The following RNF213 variants were observed in gnomAD, a reference collection of about 807,000 sequenced individuals.
The protein encoded by RNF213 is ring finger protein 213, also known as E3 ubiquitin-protein ligase RNF213.
A neutral mutation model predicts 514.4 loss-of-function variants in RNF213; 341 were observed. The observed-to-expected ratio is 0.66, with a 90% CI of 0.61 to 0.73. RNF213 has a LOEUF of 0.73. Ranked by LOEUF, RNF213 falls within the 30% of genes least tolerant of loss-of-function variation. The pLI is 0.00. For missense variants in RNF213, 5,767 were observed against 6,615.6 expected (o/e 0.87, Z 4.45); for synonymous variants, 2,655 against 2,658.2 (o/e 1.00, Z 0.04).
intron 3 of RNF213, chr17:80,279,013 G>T: frequency 6.9e-7 from 1 of 1,459,136 alleles, no homozygotes; most frequent in African/African-American, 1.4e-5. Flanking sequence ...GTCCCTGCCA[G>T]TCGAGGAAGG....
In RNF213 at chr17:80,377,502, C is replaced by T. The variant is rs1194959284; in HGVS notation, c.13511-260C>T. ...CCTGTCCACCTTGCCTCCAAAAGTA[C>T]CCCTGGTATGGGCCTATATTCTAAT... On this transcript the variant is annotated intron_variant, in intron 53 of 67. Coordinates refer to ENST00000582970, the MANE Select transcript of RNF213 (RefSeq NM_001256071.3). This position sits in a 1 kb window ranked among gnomAD's most constrained non-coding sequence, Gnocchi z 4.1. Among the ~76,000 whole-genome samples, 1 of 151,296 alleles carries T rather than the reference C, an allele frequency of 6.6e-6. No individual in the cohort carries two copies. The highest frequency in any genetic ancestry group is 2.4e-5 in the African/African-American group (1 of 41,154).
In RNF213 at chr17:80,327,972, T is replaced by C. The variant is rs1230095744; in HGVS notation, c.3350T>C (p.Leu1117Pro). ...ELIIKHKNQFLDIWQLREKSL... is the reference protein window; with the variant it reads ...ELIIKHKNQFPDIWQLREKSL... ...ATTATAAAGCACAAGAATCAGTTTC[T>C]TGACATCTGGCAACTGAGTAAGCAT... is the stretch of plus-strand genomic sequence containing the variant. The change falls in exon 19 of 68, where the codon CTT becomes CCT. Residue 1117 changes from leucine to proline, a missense_variant. Transcript: ENST00000582970. 1 of 1,537,280 alleles carries C rather than the reference T, an allele frequency of 6.5e-7. No individual in the cohort carries two copies. Among genetic ancestry groups the C allele is most frequent in the Admixed American group, 2.0e-5 (1 of 51,000 alleles).
chr17:80,318,314 C>T (rs899350307), intron 16 of RNF213, among the ~76,000 whole-genome samples: 2 of 152,190 alleles, frequency 1.3e-5, no homozygotes, highest in Admixed American at 6.5e-5. Flanking sequence ...CCATGGGTTT[C>T]AGGCTTTTCG....
chr17:80,354,672 T>C, intron 36 of RNF213, 96 bp downstream of exon 36: 2 of 1,466,536 alleles, frequency 1.4e-6, no homozygotes, highest in Non-Finnish European at 1.9e-6. Flanking sequence ...CCATGGGGAC[T>C]GAGCTGTTTC....
Position 80,347,665 on chromosome 17 carries a change from G to T in RNF213, c.9330G>T (p.Glu3110Asp). 1 of 1,614,096 alleles carries T rather than the reference G, an allele frequency of 6.2e-7. No individual in the cohort carries two copies. Among genetic ancestry groups the T allele is most frequent in the Non-Finnish European group, 8.5e-7 (1 of 1,180,004 alleles). ...VLLLNLQNLY[E>D]SLYDALNQYY... is the part of the protein sequence containing the mutation. Reference sequence around the variant, plus strand: ...TTCTCAACCTGCAGAACCTCTACGAGAGCCTCTACGACGCACTCAACCAGT... The same window carrying T: ...TTCTCAACCTGCAGAACCTCTACGATAGCCTCTACGACGCACTCAACCAGT... The change falls in exon 29 of 68, where the codon GAG (glutamate) becomes GAT (aspartate). Residue 3110 changes from glutamate (E) to aspartate (D), a missense_variant. By Grantham distance (45) the Glu-to-Asp change is conservative. This residue lies in a region of RNF213 where 919 missense variants were observed against 1,121.0 expected (regional missense o/e 0.82). Transcript: ENST00000582970. The surrounding 1 kb of genome is among the most constrained non-coding windows in gnomAD (Gnocchi z 7.2).
intron 26 of RNF213, chr17:80,340,609 GTTTTTTTTTTTTT>G (rs747785477): frequency 1.1e-4 from 14 of 130,154 alleles, no homozygotes; most frequent in East Asian, 1.1e-3. Flanking sequence ...GTACTTTGTG[GTTTTTTTTTTTTT>G]TTTTTTTTTT....
chr17:80,339,128 T>C (rs1177407375), intron 25 of RNF213, 73 bp from the exon 26 acceptor site: 1 of 1,286,962 alleles, frequency 7.8e-7, no homozygotes, highest in Admixed American at 2.8e-5. Context: ...GGTAGGCCTG[T>C]GTGCTGTTGC....
At chr17:80,367,901 T>G in intron 43 of RNF213, 53 bp downstream of exon 43, 1 of 1,613,826 alleles carries the variant, frequency 6.2e-7, no homozygotes, top group Non-Finnish European at 8.5e-7. Context: ...CCTCTCGTGG[T>G]TTTCACTTCT....
intron 3 of RNF213, chr17:80,279,000 T>G: frequency 6.7e-7 from 1 of 1,497,142 alleles, no homozygotes; most frequent in Non-Finnish European, 8.9e-7. Flanking sequence ...TTCCGGCCCT[T>G]GAGTCCCTGC....
rs2078300619 is a variant in RNF213, at chr17:80,346,074, G to C, written c.7739G>C (p.Trp2580Ser). ...ALPPSLIPLV[W>S]DFGQLSDVAE... is the part of the protein sequence containing the mutation. ...CCCCCGAGCCTGATTCCTCTGGTGT[G>C]GGACTTTGGACAACTGAGTGACGTT... The change falls in exon 29 of 68, where the codon TGG (tryptophan) becomes TCG (serine). Residue 2580 changes from tryptophan to serine, a missense_variant. This residue lies in a region of RNF213 where 1,377 missense variants were observed against 1,635.2 expected (regional missense o/e 0.84). Coordinates refer to ENST00000582970, the MANE Select transcript of RNF213 (RefSeq NM_001256071.3). The surrounding 1 kb of genome is among the most constrained non-coding windows in gnomAD (Gnocchi z 8.1). 2 of 1,614,170 alleles carry C rather than the reference G, an allele frequency of 1.2e-6. No individual in the cohort carries two copies. The highest frequency in any genetic ancestry group is 2.7e-5 in the African/African-American group (2 of 75,040).
rs760732823 is a variant in RNF213 at position 80,386,297 on chromosome 17, G to C, written c.14587G>C (p.Asp4863His). The change falls in exon 62 of 68, where the codon GAC (aspartate) becomes CAC (histidine). Residue 4863 changes from aspartate (D) to histidine (H), a missense_variant. Asp to His is a moderately conservative substitution (Grantham distance 81, BLOSUM62 -1). This residue lies in a region of RNF213 where 1,245 missense variants were observed against 1,339.0 expected (regional missense o/e 0.93). Coordinates refer to ENST00000582970, the MANE Select transcript of RNF213 (RefSeq NM_001256071.3). Reference sequence around the variant, plus strand: ...CTACTGCAGCACTGACTTGGATCTGGACACTGAGTTTGAGATCCTCTTGCC... The same window carrying C: ...CTACTGCAGCACTGACTTGGATCTGCACACTGAGTTTGAGATCCTCTTGCC... ...KDYCSTDLDLDTEFEILLPRR... is the reference protein window; with the variant it reads ...KDYCSTDLDLHTEFEILLPRR... 4.3e-6 allele frequency: 7 copies of C among 1,613,126 alleles called. No individual in the cohort carries two copies. In the East Asian group the frequency reaches 8.9e-5, roughly 21 times the overall value.
intron 49 of RNF213, among the ~76,000 whole-genome samples, 164 bp from the exon 50 acceptor site, chr17:80,374,294 C>T (rs528446553): frequency 1.3e-5 from 2 of 152,312 alleles, no homozygotes; most frequent in African/African-American, 2.4e-5. Context: ...AAGCTCCCTG[C>T]GAAGAGGGCA....
In RNF213 at chr17:80,374,482, C is replaced by CA; in HGVS notation, c.12968dup (p.Met4324AspfsTer3). 2 of 1,614,208 alleles carry CA rather than the reference C, an allele frequency of 1.2e-6. No individual in the cohort carries two copies. The highest frequency in any genetic ancestry group is 1.7e-6 in the Non-Finnish European group (2 of 1,180,040). ...GGGGCTGCGGCAGGACCACCCAGGC[C>CA]AGATGGATAGGTACCTGGTGTACGG... On this transcript the variant is annotated frameshift_variant, in exon 50 of 68. Coordinates refer to ENST00000582970, the MANE Select transcript of RNF213 (RefSeq NM_001256071.3). LOFTEE classifies it high-confidence loss of function.
rs142084040 is a variant in RNF213 at position 80,390,122 on chromosome 17, G to A, written c.15396G>A (p.Glu5132=). Residue 5132 remains glutamate (E), a synonymous_variant, in exon 67 of 68, where the codon GAG becomes GAA. Coordinates refer to ENST00000582970, the MANE Select transcript of RNF213 (RefSeq NM_001256071.3). ...NQTGLDAFLL[E]LHEMIILKLK... is the part of the protein sequence containing the mutation. ...CTGGCCTAGACGCCTTCCTGCTAGA[G>A]CTGCACGAAATGATAATCTTGAAAC... 1.5e-4 allele frequency: 242 copies of A among 1,614,074 alleles called. No homozygotes were observed. Among genetic ancestry groups the A allele is most frequent in the Non-Finnish European group, 1.9e-4 (228 of 1,180,046 alleles).
In RNF213 at chr17:80,369,604, G is replaced by A. The variant is rs751207347; in HGVS notation, c.12258G>A (p.Lys4086=). The A allele has an allele frequency of 2.5e-6, 4 of 1,614,248 alleles. No homozygotes were observed. In the East Asian group the frequency reaches 8.9e-5, roughly 36 times the overall value. The change falls in exon 45 of 68, where the codon AAG becomes AAA. Residue 4086 remains lysine, a synonymous_variant. Coordinates refer to ENST00000582970, the MANE Select transcript of RNF213 (RefSeq NM_001256071.3). ...TCAAGGACAACGCTCCGCCTGAGAA[G>A]GAAGTGATTGAGAGCCTGCTCTCTC... ...ICFKDNAPPE[K]EVIESLLSLL... is the part of the protein sequence containing the mutation.
In RNF213 at chr17:80,377,887, C is replaced by T. The variant is rs761001833; in HGVS notation, c.13545+91C>T. ...TCGTGGGTCAGGAGAGTGAGGCTCT[C>T]GGCCTTCCAGGAGAGCACAGGCTCA... On this transcript the variant is annotated intron_variant, in intron 54 of 67. Coordinates refer to ENST00000582970, the MANE Select transcript of RNF213 (RefSeq NM_001256071.3). This position sits in a 1 kb window ranked among gnomAD's most constrained non-coding sequence, Gnocchi z 4.1. 22 of 1,456,026 alleles carry T rather than the reference C, an allele frequency of 1.5e-5. No individual in the cohort carries two copies. Among genetic ancestry groups the T allele is most frequent in the Middle Eastern group, 2.0e-4 (1 of 4,908 alleles). The allele number at this position is 1,456,026 out of a possible 1,614,324, so 90.2% of individuals were successfully genotyped here. A position where few individuals can be genotyped will look rare whatever the true frequency, so the allele number is the denominator to read the frequency against.
At chr17:80,302,667 G>A (rs1415432457) in intron 11 of RNF213, among the ~76,000 whole-genome samples, 1 of 152,052 alleles carries the variant, frequency 6.6e-6, no homozygotes, top group African/African-American at 2.4e-5. Flanking sequence ...ACCAGTCTGG[G>A]CACATAGTAA....
chr17:80,319,517 G>C, intron 17 of RNF213: 1 of 1,613,372 alleles, frequency 6.2e-7, no homozygotes, highest in African/African-American at 1.3e-5. Flanking sequence ...CACAGTCCCT[G>C]CTGCTCGCAC....
chr17:80,300,080 G>A (rs1329565462), intron 11 of RNF213, among the ~76,000 whole-genome samples: 1 of 152,172 alleles, frequency 6.6e-6, no homozygotes, highest in East Asian at 1.9e-4. Flanking sequence ...TATATACCCA[G>A]TAATGGGATT....
Sources: gnomAD v4.1 joint callset for allele counts (sites outside exome capture counted in the v4.1 genomes callset) on GRCh38, gnomAD v4.1.1 for gene constraint, gnomAD v4.1.1 regional missense constraint, Gnocchi (gnomAD v3.1) non-coding constraint, MANE v1.5 for transcripts, NCBI Gene and HGNC (gene_info 2026-07-23, HGNC 2026-07-21) for gene names.